Variants in NAT1 observed in about 807,000 individuals in gnomAD.
NAT1 encodes the protein arylamine N-acetyltransferase 1.
For missense variants in NAT1, 400 were observed against 339.2 expected, an observed-to-expected ratio of 1.18 and a Z score of -1.41; for synonymous variants, 144 against 122.6, an observed-to-expected ratio of 1.17 and a Z score of -1.16.
At chr8:18,172,830 G>T (rs779298782) in intron 2 of NAT1, among the ~76,000 whole-genome samples, 41 of 151,924 alleles carry the variant, frequency 2.7e-4, no homozygotes, top group Non-Finnish European at 4.4e-4. Context: ...ATTTCTAGAC[G>T]GAGCAAATTA....
At chr8:18,181,986 C>T (rs1802541526) in intron 2 of NAT1, among the ~76,000 whole-genome samples, 3 of 152,116 alleles carry the variant, frequency 2.0e-5, no homozygotes. Flanking sequence ...ACTCTAAATT[C>T]CAATACAAAT....
At position 18,222,443 on chromosome 8, in the gene NAT1, G is replaced by A. The variant is rs754633858; in HGVS notation, c.396G>A (p.Trp132Ter). Residue 132 changes from tryptophan (W) to a stop codon, truncating the protein, a stop_gained, in exon 3 of 3, where the codon TGG becomes TGA. Transcript: ENST00000307719. LOFTEE classifies it low-confidence loss of function (END_TRUNC). Reference protein sequence around the residue: ...DAGFGRSYQMWQPLELISGKD... With the variant: ...DAGFGRSYQM ...GGTTTGGACGCTCATACCAGATGTG[G>A]CAGCCTCTGGAGTTAATTTCTGGGA... The A allele has an allele frequency of 6.2e-7, 1 of 1,613,950 alleles. No individual in the cohort carries two copies. Among genetic ancestry groups the A allele is most frequent in the African/African-American group, 1.3e-5 (1 of 74,892 alleles).
chr8:18,204,411 T>C (rs1373323762), intron 2 of NAT1, among the ~76,000 whole-genome samples: 1 of 152,200 alleles, frequency 6.6e-6, no homozygotes, highest in Non-Finnish European at 1.5e-5. Context: ...TTCTTTTCAG[T>C]AACTTAAAAT....
upstream of NAT1, among the ~76,000 whole-genome samples, chr8:18,205,700 G>C (rs992915533): frequency 6.6e-6 from 1 of 152,196 alleles, no homozygotes; most frequent in African/African-American, 2.4e-5. Context: ...AGTTGCACTG[G>C]GCCCTAGGGA....
chr8:18,174,774 C>A (rs1802223491), intron 2 of NAT1, among the ~76,000 whole-genome samples: 3 of 152,010 alleles, frequency 2.0e-5, no homozygotes, highest in Non-Finnish European at 4.4e-5. Flanking sequence ...TAACTCTGGG[C>A]AAACCTCAGC....
intron 2 of NAT1, among the ~76,000 whole-genome samples, chr8:18,181,903 T>G (rs2117223415): frequency 6.6e-6 from 1 of 152,302 alleles, no homozygotes; most frequent in East Asian, 1.9e-4. Flanking sequence ...AAGGTCTAAA[T>G]TCTCCCTCTC....
chr8:18,171,942 T>C (rs1289971070), intron 2 of NAT1, among the ~76,000 whole-genome samples: 3 of 152,372 alleles, frequency 2.0e-5, no homozygotes, highest in South Asian at 4.1e-4. Flanking sequence ...ATGTTCCACA[T>C]GCTATGGAAA....
chr8:18,191,846 G>T (rs1012149648), intron 2 of NAT1, among the ~76,000 whole-genome samples: 16 of 151,872 alleles, frequency 1.1e-4, no homozygotes, highest in African/African-American at 3.6e-4. Context: ...ATTCAAGATG[G>T]ATTAAAGACT....
intron 2 of NAT1, among the ~76,000 whole-genome samples, chr8:18,189,754 TG>T (rs1168824151): frequency 6.6e-6 from 1 of 152,208 alleles, no homozygotes; most frequent in African/African-American, 2.4e-5. Context: ...CAGAGTTCTG[TG>T]GTTGTTGTTT....
chr8:18,186,257 TTTTCA>T (rs1802729992), intron 2 of NAT1, among the ~76,000 whole-genome samples: 4 of 152,190 alleles, frequency 2.6e-5, no homozygotes. Flanking sequence ...CCGTAGTTCT[TTTTCA>T]TTTATCTTGA....
At chr8:18,194,682 T>C (rs1459142078) in intron 2 of NAT1, among the ~76,000 whole-genome samples, 2 of 151,902 alleles carry the variant, frequency 1.3e-5, no homozygotes, top group African/African-American at 4.8e-5. Flanking sequence ...TAGCCGGGCA[T>C]GGTGGCAGGT....
chr8:18,192,615 A>T (rs1803044484), intron 2 of NAT1, among the ~76,000 whole-genome samples: 1 of 152,202 alleles, frequency 6.6e-6, no homozygotes, highest in African/African-American at 2.4e-5. Context: ...GATAGACTGG[A>T]TTAAGAAAAT....
At chr8:18,194,275 A>G (rs1253527759) in intron 2 of NAT1, among the ~76,000 whole-genome samples, 1 of 152,182 alleles carries the variant, frequency 6.6e-6, no homozygotes, top group African/African-American at 2.4e-5. Context: ...AAGAGTGACT[A>G]CTTTAGTGAT....
chr8:18,182,821 A>C (rs7830449), intron 2 of NAT1, among the ~76,000 whole-genome samples: 1 of 151,962 alleles, frequency 6.6e-6, no homozygotes, highest in African/African-American at 2.4e-5. Context: ...ATACTGATAA[A>C]CTTAGGAATA....
chr8:18,221,667 C>T (rs1347732506), intron 2 of NAT1: 1 of 180,514 alleles, frequency 5.5e-6, no homozygotes, highest in Non-Finnish European at 1.2e-5. Context: ...GGATACTATA[C>T]ACTCTATTGC....
At chr8:18,204,641 C>T (rs186457661) in intron 2 of NAT1, among the ~76,000 whole-genome samples, 65 of 152,096 alleles carry the variant, frequency 4.3e-4, no homozygotes, top group Non-Finnish European at 6.6e-4. Flanking sequence ...TTTTTATCTA[C>T]GAATACAGAT....
intron 1 of NAT1, among the ~76,000 whole-genome samples, chr8:18,218,326 G>A (rs946592846): frequency 6.6e-6 from 1 of 152,150 alleles, no homozygotes; most frequent in African/African-American, 2.4e-5. Context: ...TGGATGTTGA[G>A]GAGATCACAG....
chr8:18,175,936 A>C (rs1266480071), intron 2 of NAT1, among the ~76,000 whole-genome samples: 1 of 151,996 alleles, frequency 6.6e-6, no homozygotes. Context: ...TTGTGTTTTA[A>C]ATTTACATTT....
At chr8:18,178,967 C>G (rs1802399288) in intron 2 of NAT1, among the ~76,000 whole-genome samples, 1 of 152,100 alleles carries the variant, frequency 6.6e-6, no homozygotes. Context: ...AAATCCTTCT[C>G]TATAGAATAC....
Sources: gnomAD v4.1 joint callset for allele counts (sites outside exome capture counted in the v4.1 genomes callset) on GRCh38, gnomAD v4.1.1 for gene constraint, MANE v1.5 for transcripts, NCBI Gene and HGNC (gene_info 2026-07-23, HGNC 2026-07-21) for gene names.